Variants in ZNF831 observed in about 807,000 individuals in gnomAD.
ZNF831 encodes the protein zinc finger protein 831, also known as chromosome 20 open reading frame 174.
ZNF831 carries 59 observed loss-of-function variants against 95.8 expected under a neutral mutation model. The ratio of observed to expected loss-of-function variants is 0.62; its 90% confidence interval spans 0.50 to 0.77. The LOEUF is 0.77. ZNF831 is among the 30% of genes least tolerant of loss of function. ZNF831 has a pLI of 0.00. For synonymous variants in ZNF831, 961 were observed against 925.5 expected (o/e 1.04, Z -0.70); for missense variants, 2,205 against 2,164.0 (o/e 1.02, Z -0.38).
chr20:59,235,386 G>A lies in ZNF831; in HGVS notation c.4028-17592G>A, dbSNP rs116480675. On this transcript the variant is annotated intron_variant, in intron 4 of 5. Coordinates refer to ENST00000371030, the MANE Select transcript of ZNF831 (RefSeq NM_178457.3). ...CTGCCTCATCTCTCTGCTGCTGCAT[G>A]CGTTTCCTTTCGTTGTAACCTCTGC... Among the ~76,000 whole-genome samples the A allele has an allele frequency of 3.5e-3, 530 of 152,226 alleles. 5 individuals carry two copies. Among genetic ancestry groups the A allele is most frequent in the African/African-American group, 0.012 (499 of 41,518 alleles).
chr20:59,162,839 T>G (rs986995152), upstream of ZNF831, among the ~76,000 whole-genome samples: 1 of 152,192 alleles, frequency 6.6e-6, no homozygotes, highest in Non-Finnish European at 1.5e-5. Context: ...AAAATGACAT[T>G]GGTAATTTGA....
upstream of ZNF831, among the ~76,000 whole-genome samples, chr20:59,163,415 A>T (rs1568732757): frequency 1.3e-5 from 2 of 152,210 alleles, no homozygotes; most frequent in Non-Finnish European, 1.5e-5. Context: ...ACCATTTTAC[A>T]TAAAGACAGC....
chr20:59,190,240 T>C (rs763281361), intron 1 of ZNF831, among the ~76,000 whole-genome samples: 6 of 152,218 alleles, frequency 3.9e-5, no homozygotes, highest in Admixed American at 6.5e-5. Context: ...CCCAGCCACA[T>C]TGGAATTTCA....
chr20:59,224,102 C>A (rs777784579), intron 4 of ZNF831, among the ~76,000 whole-genome samples: 6 of 152,212 alleles, frequency 3.9e-5, no homozygotes, highest in Non-Finnish European at 8.8e-5. Context: ...GCAGGGCACC[C>A]ACTTTGAGTA....
chr20:59,192,261 C>A lies in ZNF831; in HGVS notation c.1242C>A (p.His414Gln), dbSNP rs2146562501. ...LEERIAQLIS[H>Q]NQAVVDDAQL... The stretch of plus-strand genomic sequence containing the variant: ...AGCGCATCGCCCAGCTCATCTCCCA[C>A]AACCAGGCGGTGGTGGACGATGCCC... Residue 414 changes from histidine to glutamine, a missense_variant, in exon 2 of 6, where the codon CAC becomes CAA. By Grantham distance (24) the His-to-Gln change is conservative (BLOSUM62 0). Coordinates refer to ENST00000371030, the MANE Select transcript of ZNF831 (RefSeq NM_178457.3). The surrounding 1 kb of genome is among the most constrained non-coding windows in gnomAD (Gnocchi z 5.2). 1 of 1,593,180 alleles carries A rather than the reference C, an allele frequency of 6.3e-7. No individual in the cohort carries two copies.
chr20:59,215,535 T>A (rs1339950165), intron 4 of ZNF831, among the ~76,000 whole-genome samples: 2 of 152,246 alleles, frequency 1.3e-5, no homozygotes, highest in Non-Finnish European at 2.9e-5. Flanking sequence ...TCATATGCAT[T>A]TATTCCCTTG....
At chr20:59,151,262 C>T (rs1392913628) in intron 2 of ZNF831, among the ~76,000 whole-genome samples, 1 of 152,184 alleles carries the variant, frequency 6.6e-6, no homozygotes, top group Non-Finnish European at 1.5e-5. Context: ...AGCCACATGG[C>T]TTCTGTCTCC....
intron 4 of ZNF831, among the ~76,000 whole-genome samples, chr20:59,226,608 A>G (rs1600656224): frequency 2.6e-5 from 4 of 151,550 alleles, no homozygotes; most frequent in African/African-American, 9.7e-5. Flanking sequence ...CCCGAAATAT[A>G]TAAAGATGTA....
At chr20:59,180,787 G>A (rs566956374) in intron 1 of ZNF831, among the ~76,000 whole-genome samples, 47 of 152,272 alleles carry the variant, frequency 3.1e-4, no homozygotes, top group Middle Eastern at 3.4e-3. Context: ...ATGGGCATTT[G>A]GGTTGGTTCC....
chr20:59,250,082 A>G (rs189672006), intron 4 of ZNF831, among the ~76,000 whole-genome samples: 3 of 152,280 alleles, frequency 2.0e-5, no homozygotes, highest in East Asian at 3.9e-4. Context: ...CTAAGAAGCA[A>G]TCAGACTTCA....
At chr20:59,232,274 A>T (rs1033965334) in intron 4 of ZNF831, among the ~76,000 whole-genome samples, 1 of 152,216 alleles carries the variant, frequency 6.6e-6, no homozygotes, top group African/African-American at 2.4e-5. Context: ...TAAAGAAGAA[A>T]AAAACCGCTT....
chr20:59,149,384 A>C (rs1362515095), intron 2 of ZNF831, among the ~76,000 whole-genome samples: 1 of 152,178 alleles, frequency 6.6e-6, no homozygotes, highest in Non-Finnish European at 1.5e-5. Context: ...GGCTTTGCTT[A>C]TGTCTCTTTG....
intron 4 of ZNF831, among the ~76,000 whole-genome samples, chr20:59,219,173 G>A (rs1985910448): frequency 6.6e-6 from 1 of 152,206 alleles, no homozygotes; most frequent in Non-Finnish European, 1.5e-5. Context: ...GCATTTGTGA[G>A]CCACTGAGTG....
At position 59,194,734 on chromosome 20, in the gene ZNF831, G is replaced by A. The variant is rs1983955631; in HGVS notation, c.3715G>A (p.Gly1239Arg). 1 of 1,577,268 alleles carries A rather than the reference G, an allele frequency of 6.3e-7. No homozygotes were observed. The highest frequency in any genetic ancestry group is 1.4e-5 in the African/African-American group (1 of 73,662). The part of the protein sequence containing the change: ...GGWTWTSPGE[G>R]GPAQMSKFSY... ...ATGGACCTGGACAAGCCCTGGAGAAGGAGGGCCGGCGCAGATGTCCAAGGT... is the reference window on the plus strand; with the variant it reads ...ATGGACCTGGACAAGCCCTGGAGAAAGAGGGCCGGCGCAGATGTCCAAGGT... The change falls in exon 2 of 6, where the codon GGA becomes AGA. Residue 1239 changes from glycine (G) to arginine (R), a missense_variant. Physicochemically the swap from Gly to Arg is moderately radical, Grantham distance 125. Coordinates refer to ENST00000371030, the MANE Select transcript of ZNF831 (RefSeq NM_178457.3).
chr20:59,255,428 T>C lies in ZNF831; in HGVS notation c.*685T>C, dbSNP rs886865807. The C allele has an allele frequency of 2.6e-5, 4 of 152,256 alleles. No individual in the cohort carries two copies. The highest frequency in any genetic ancestry group is 9.7e-5 in the African/African-American group (4 of 41,436). 9.4% of individuals were successfully genotyped at this position (152,256 alleles called of 1,614,324 possible). A position where few individuals can be genotyped will look rare whatever the true frequency, so the allele number is the denominator to read the frequency against. ...GTTGCACAAATGGTCAATGCTTATT[T>C]ATGGTCAGATGATGCAAGCACATGC... is the stretch of plus-strand genomic sequence containing the variant. On this transcript the variant is annotated 3_prime_UTR_variant, in exon 6 of 6. Coordinates refer to ENST00000371030, the MANE Select transcript of ZNF831 (RefSeq NM_178457.3).
chr20:59,235,818 C>G (rs962515616), intron 4 of ZNF831, among the ~76,000 whole-genome samples: 10 of 152,194 alleles, frequency 6.6e-5, no homozygotes, highest in African/African-American at 2.2e-4. Flanking sequence ...CTTTCTCCCC[C>G]TCAGAGAACC....
chr20:59,200,422 T>C (rs111641657), intron 3 of ZNF831, among the ~76,000 whole-genome samples: 7 of 152,326 alleles, frequency 4.6e-5, no homozygotes, highest in African/African-American at 1.7e-4. Context: ...AAATCTGTCT[T>C]TAAAATTTTA....
chr20:59,185,549 G>A (rs560281950), intron 1 of ZNF831, among the ~76,000 whole-genome samples: 5 of 151,876 alleles, frequency 3.3e-5, no homozygotes, highest in Admixed American at 6.6e-5. Flanking sequence ...GACACCCCTC[G>A]GGTGACAACC....
chr20:59,123,657 G>A (rs1454585369), intron 1 of ZNF831, among the ~76,000 whole-genome samples: 1 of 151,970 alleles, frequency 6.6e-6, no homozygotes, highest in Non-Finnish European at 1.5e-5. Context: ...TGACAAGCAG[G>A]GCAAGGAGGA....
Sources: gnomAD v4.1 joint callset for allele counts (sites outside exome capture counted in the v4.1 genomes callset) on GRCh38, gnomAD v4.1.1 for gene constraint, Gnocchi (gnomAD v3.1) non-coding constraint, MANE v1.5 for transcripts, NCBI Gene and HGNC (gene_info 2026-07-23, HGNC 2026-07-21) for gene names.